Variants in FGGY observed in about 807,000 individuals in gnomAD.
FGGY encodes the protein FGGY carbohydrate kinase domain containing.
FGGY carries 72 observed loss-of-function variants against 71.3 expected under a neutral mutation model. The observed-to-expected ratio is 1.01, with a 90% confidence interval of 0.84 to 1.23. The LOEUF is 1.23. Ranked by LOEUF, FGGY falls within the 50% of genes most tolerant of loss-of-function variation. The pLI, the probability that FGGY is intolerant of heterozygous loss-of-function variation, is 0.00. For missense variants in FGGY, 668 were observed against 682.3 expected (o/e 0.98, Z 0.23); for synonymous variants, 251 against 250.3 (o/e 1.00, Z -0.02).
intron 7 of FGGY, among the ~76,000 whole-genome samples, chr1:59,539,183 G>T (rs913118859): frequency 1.3e-5 from 2 of 152,146 alleles, no homozygotes; most frequent in Non-Finnish European, 2.9e-5. Flanking sequence ...TATTATAAAT[G>T]TGACAGTTTC....
At chr1:59,581,932 A>T (rs2096201898) in intron 8 of FGGY, among the ~76,000 whole-genome samples, 1 of 149,928 alleles carries the variant, frequency 6.7e-6, no homozygotes, top group Non-Finnish European at 1.5e-5. Flanking sequence ...AAAAATATTT[A>T]TTTAGCTGTG....
intron 2 of FGGY, among the ~76,000 whole-genome samples, chr1:59,335,385 G>A (rs527742177): frequency 6.6e-6 from 1 of 152,176 alleles, no homozygotes; most frequent in South Asian, 2.1e-4. Context: ...TATATCAGTA[G>A]TTCCTTTTTC....
chr1:59,686,728 G>A (rs2097547164), intron 14 of FGGY, among the ~76,000 whole-genome samples: 1 of 151,930 alleles, frequency 6.6e-6, no homozygotes, highest in African/African-American at 2.4e-5. Flanking sequence ...TTAGCCGTAT[G>A]ATTCATATTA....
chr1:59,659,855 T>C (rs2097258357), intron 11 of FGGY, among the ~76,000 whole-genome samples: 1 of 152,232 alleles, frequency 6.6e-6, no homozygotes, highest in Non-Finnish European at 1.5e-5. Context: ...TGTACTAGAA[T>C]GCCACTGTTA....
chr1:59,356,744 C>T (rs1422027435), intron 4 of FGGY, among the ~76,000 whole-genome samples: 1 of 152,196 alleles, frequency 6.6e-6, no homozygotes, highest in Non-Finnish European at 1.5e-5. Context: ...TTCTCTTCCT[C>T]ATTGTGGAAA....
chr1:59,333,289 C>T (rs918291081), intron 2 of FGGY, among the ~76,000 whole-genome samples: 3 of 152,202 alleles, frequency 2.0e-5, no homozygotes, highest in Admixed American at 1.3e-4. Flanking sequence ...CCAATTGGGC[C>T]ACATAGCAAG....
chr1:59,718,363 A>G (rs757922704), intron 14 of FGGY, among the ~76,000 whole-genome samples: 3 of 152,216 alleles, frequency 2.0e-5, no homozygotes, highest in Non-Finnish European at 2.9e-5. Context: ...CTAAGGAGGT[A>G]GATCAGCCAA....
At chr1:59,329,733 G>A (rs2048105914) in intron 2 of FGGY, among the ~76,000 whole-genome samples, 1 of 152,142 alleles carries the variant, frequency 6.6e-6, no homozygotes, top group African/African-American at 2.4e-5. Flanking sequence ...TCTAACTCCT[G>A]TTCATCCTTA....
chr1:59,334,259 C>T (rs2049040081), intron 2 of FGGY, among the ~76,000 whole-genome samples: 1 of 152,168 alleles, frequency 6.6e-6, no homozygotes, highest in Non-Finnish European at 1.5e-5. Flanking sequence ...TCTCCTGCCT[C>T]AGCCTCCCTA....
At chr1:59,624,775 C>T (rs1360528326) in intron 9 of FGGY, among the ~76,000 whole-genome samples, 1 of 152,144 alleles carries the variant, frequency 6.6e-6, no homozygotes, top group Non-Finnish European at 1.5e-5. Context: ...GAAACTGCGC[C>T]CATGATTCAG....
intron 8 of FGGY, among the ~76,000 whole-genome samples, chr1:59,576,739 A>T (rs952617287): frequency 4.0e-5 from 6 of 151,594 alleles, no homozygotes; most frequent in Non-Finnish European, 5.9e-5. Context: ...TGAGTAAATG[A>T]TCTTCCAAAG....
intron 1 of FGGY, among the ~76,000 whole-genome samples, chr1:59,314,388 T>C (rs1227607087): frequency 6.6e-6 from 1 of 152,230 alleles, no homozygotes; most frequent in South Asian, 2.1e-4. Flanking sequence ...GATGCTATAC[T>C]GTTACACCCA....
chr1:59,611,806 G>T (rs538141482), intron 9 of FGGY, among the ~76,000 whole-genome samples: 14 of 152,286 alleles, frequency 9.2e-5, no homozygotes, highest in Admixed American at 5.2e-4. Flanking sequence ...GTCCTTAAAG[G>T]ACCTGATGGA....
intron 9 of FGGY, among the ~76,000 whole-genome samples, chr1:59,624,010 T>A (rs2096834228): frequency 6.6e-6 from 1 of 152,180 alleles, no homozygotes; most frequent in African/African-American, 2.4e-5. Flanking sequence ...AGCGAGTTTA[T>A]CTTGATGCTC....
intron 4 of FGGY, among the ~76,000 whole-genome samples, chr1:59,378,530 G>A (rs553675008): frequency 6.6e-6 from 1 of 151,500 alleles, no homozygotes; most frequent in Non-Finnish European, 1.5e-5. Flanking sequence ...GGGTTTTAAG[G>A]GAAATTACGA....
chr1:59,299,894 G>T (rs2042499271), intron 1 of FGGY, among the ~76,000 whole-genome samples: 1 of 152,206 alleles, frequency 6.6e-6, no homozygotes, highest in Admixed American at 6.5e-5. Context: ...GAATGAGCAG[G>T]TAATCGGAAT....
At chr1:59,501,531 G>C (rs2094222556) in intron 6 of FGGY, among the ~76,000 whole-genome samples, 1 of 152,126 alleles carries the variant, frequency 6.6e-6, no homozygotes, top group Non-Finnish European at 1.5e-5. Flanking sequence ...CCTTTTCCTA[G>C]AAGTGGGGTA....
intron 14 of FGGY, among the ~76,000 whole-genome samples, chr1:59,687,632 ATTT>A (rs555098197): frequency 4.5e-5 from 6 of 133,790 alleles, no homozygotes; most frequent in African/African-American, 1.4e-4. Flanking sequence ...ACACCTGGCT[ATTT>A]TTTTTTTTTT....
At chr1:59,601,847 A>G (rs2096581412) in intron 8 of FGGY, among the ~76,000 whole-genome samples, 1 of 152,264 alleles carries the variant, frequency 6.6e-6, no homozygotes, top group African/African-American at 2.4e-5. Flanking sequence ...TGTTTTAGAT[A>G]GTAGCCATTA....
Sources: allele counts gnomAD v4.1 joint callset (sites outside exome capture counted in the v4.1 genomes callset), GRCh38; gene constraint gnomAD v4.1.1; transcripts MANE v1.5; gene names NCBI Gene and HGNC (gene_info 2026-07-23, HGNC 2026-07-21).